PARD3: variants seen among roughly 807,000 people sequenced by gnomAD.
PARD3 encodes the protein partitioning defective 3 homolog.
PARD3 carries 75 observed loss-of-function variants against 155.4 expected under a neutral mutation model. The ratio of observed to expected loss-of-function variants is 0.48; its 90% CI spans 0.40 to 0.58. The LOEUF is 0.58. Among genes scored for constraint, PARD3 ranks in the 20% least tolerant of loss-of-function variants. The pLI is 0.00. For missense variants in PARD3, 1,642 were observed against 1,721.7 expected (o/e 0.95, Z 0.82); for synonymous variants, 576 against 610.5 (o/e 0.94, Z 0.83).
chr10:34,359,861 A>G (rs573134811), intron 13 of PARD3, among the ~76,000 whole-genome samples: 3 of 152,314 alleles, frequency 2.0e-5, no homozygotes, highest in East Asian at 3.9e-4. Context: ...AATGGGTTGT[A>G]TGTTCTGTGA....
chr10:34,603,072 G>A (rs1353237122), intron 2 of PARD3, among the ~76,000 whole-genome samples: 2 of 152,182 alleles, frequency 1.3e-5, no homozygotes, highest in African/African-American at 4.8e-5. Flanking sequence ...GCGATTAAGG[G>A]AAAGAAGAAA....
chr10:34,327,740 T>C (rs1835183345), intron 19 of PARD3, among the ~76,000 whole-genome samples: 1 of 152,136 alleles, frequency 6.6e-6, no homozygotes, highest in Non-Finnish European at 1.5e-5. Flanking sequence ...AAAAAGACCA[T>C]CTGCCTAGAC....
rs569216315 is a variant in PARD3, at chr10:34,209,680, T to C, written c.3419+59977A>G. Among the ~76,000 whole-genome samples, 6 of 152,304 alleles carry C rather than the reference T, an allele frequency of 3.9e-5. No individual in the cohort carries two copies. In the South Asian group the frequency reaches 1.2e-3, roughly 32 times the overall value. Reference sequence around the variant, plus strand: ...GTCTTGGCTGAGTCACTTCTCCAAGTTTCTACATATTCTGTGTACTGTAAT... The same window carrying C: ...GTCTTGGCTGAGTCACTTCTCCAAGCTTCTACATATTCTGTGTACTGTAAT... On this transcript the variant is annotated intron_variant, in intron 22 of 24. Transcript: ENST00000374788.
chr10:34,750,978 C>T (rs923690899), intron 1 of PARD3, among the ~76,000 whole-genome samples: 4 of 152,006 alleles, frequency 2.6e-5, no homozygotes, highest in African/African-American at 7.2e-5. Flanking sequence ...CGTGAGCCAC[C>T]GCGCCCAGAT....
chr10:34,113,859 A>G lies in PARD3; in HGVS notation c.3669-2297T>C, dbSNP rs182563308. ...AAGGTTGTGGGGAGAAAGAAATGAA[A>G]TAACACATGTAAAGTGCTTAGAAAA... is the stretch of plus-strand genomic sequence containing the variant. On this transcript the variant is annotated intron_variant, in intron 24 of 24. Coordinates refer to ENST00000374788, the MANE Select transcript of PARD3 (RefSeq NM_001184785.2). 1.5e-3 allele frequency among the ~76,000 whole-genome samples: 222 copies of G among 152,312 alleles called. 1 individual carries two copies. The highest frequency in any genetic ancestry group is 5.1e-3 in the African/African-American group (210 of 41,560).
chr10:34,471,751 G>T, intron 3 of PARD3, among the ~76,000 whole-genome samples: 1 of 152,144 alleles, frequency 6.6e-6, no homozygotes, highest in Middle Eastern at 3.2e-3. Flanking sequence ...TAGAGACGGG[G>T]TTTCACCATG....
At chr10:34,596,652 A>G (rs1289342634) in intron 2 of PARD3, among the ~76,000 whole-genome samples, 1 of 152,102 alleles carries the variant, frequency 6.6e-6, no homozygotes, top group Admixed American at 6.6e-5. Context: ...TTGGATTTCA[A>G]CTCAAGATGA....
intron 2 of PARD3, among the ~76,000 whole-genome samples, chr10:34,685,007 A>T (rs2093930711): frequency 6.6e-6 from 1 of 152,138 alleles, no homozygotes; most frequent in African/African-American, 2.4e-5. Context: ...TGCAAAGGAA[A>T]TTATTCCATA....
intron 2 of PARD3, among the ~76,000 whole-genome samples, chr10:34,648,105 C>T (rs1217914865): frequency 6.6e-6 from 1 of 152,196 alleles, no homozygotes; most frequent in Admixed American, 6.5e-5. Flanking sequence ...GCGGCCTGCA[C>T]ATGAGTCTGA....
intron 19 of PARD3, among the ~76,000 whole-genome samples, chr10:34,323,226 A>T (rs1049315103): frequency 3.9e-5 from 6 of 152,216 alleles, no homozygotes; most frequent in African/African-American, 1.4e-4. Context: ...ACAGCTAGTG[A>T]TACACAGATG....
At chr10:34,788,297 A>G (rs1017833076) in intron 1 of PARD3, among the ~76,000 whole-genome samples, 2 of 152,126 alleles carry the variant, frequency 1.3e-5, no homozygotes, top group Admixed American at 1.3e-4. Context: ...TGTGTCACCC[A>G]GAAAGCGCAG....
At chr10:34,506,940 C>T (rs1158432752) in intron 3 of PARD3, among the ~76,000 whole-genome samples, 4 of 152,136 alleles carry the variant, frequency 2.6e-5, no homozygotes, top group East Asian at 1.9e-4. Context: ...GCACTGCCGC[C>T]GCCTGACAGC....
At chr10:34,514,469 C>A (rs554564956) in intron 3 of PARD3, among the ~76,000 whole-genome samples, 1 of 152,076 alleles carries the variant, frequency 6.6e-6, no homozygotes, top group Non-Finnish European at 1.5e-5. Context: ...GTCATTAATG[C>A]GGTGGCAAAA....
chr10:34,445,886 G>C (rs1047136621), intron 5 of PARD3, among the ~76,000 whole-genome samples: 2 of 152,068 alleles, frequency 1.3e-5, no homozygotes, highest in African/African-American at 4.8e-5. Context: ...CTGACTGTGT[G>C]AAGTGATGGG....
intron 3 of PARD3, among the ~76,000 whole-genome samples, chr10:34,476,317 G>A (rs1564755139): frequency 6.6e-6 from 1 of 152,000 alleles, no homozygotes; most frequent in East Asian, 1.9e-4. Flanking sequence ...GAGTGTGTGG[G>A]GTAAAGAATA....
At chr10:34,475,337 G>GCAGA (rs1163496365) in intron 3 of PARD3, among the ~76,000 whole-genome samples, 1 of 152,160 alleles carries the variant, frequency 6.6e-6, no homozygotes, top group Non-Finnish European at 1.5e-5. Flanking sequence ...TCTCATATCT[G>GCAGA]CTTCTGCATT....
At chr10:34,670,655 G>GT (rs2093594898) in intron 2 of PARD3, among the ~76,000 whole-genome samples, 1 of 152,162 alleles carries the variant, frequency 6.6e-6, no homozygotes, top group South Asian at 2.1e-4. Flanking sequence ...ATGTTTTAGA[G>GT]TATCTATAAG....
In PARD3 at chr10:34,815,130, G is replaced by A. The variant is rs1844744275; in HGVS notation, c.-135C>T. The A allele has an allele frequency of 3.6e-6, 1 of 276,096 alleles. No homozygotes were observed. The highest frequency in any genetic ancestry group is 1.2e-4 in the South Asian group (1 of 8,056). 17.1% of individuals were successfully genotyped at this position (276,096 alleles called of 1,614,324 possible). A position where few individuals can be genotyped will look rare whatever the true frequency, so the allele number is the denominator to read the frequency against. On this transcript the variant is annotated 5_prime_UTR_variant, in exon 1 of 25. Transcript: ENST00000374788. ...CGGGCGGCTAGGGGCGCGGGCAGGC[G>A]GCGGCGACGCCGGGGGGCCGCTCAG...
chr10:34,360,452 T>C (rs1438875474), intron 12 of PARD3, among the ~76,000 whole-genome samples, 193 bp from the exon 13 acceptor site: 1 of 152,208 alleles, frequency 6.6e-6, no homozygotes, highest in African/African-American at 2.4e-5. Context: ...CTGTTAATAT[T>C]TTTATGTAGC....
Sources: allele counts gnomAD v4.1 joint callset (sites outside exome capture counted in the v4.1 genomes callset), GRCh38; gene constraint gnomAD v4.1.1; transcripts MANE v1.5; gene names NCBI Gene and HGNC (gene_info 2026-07-23, HGNC 2026-07-21).